The following COL4A3 variants were observed in gnomAD, a reference collection of about 807,000 sequenced individuals.
COL4A3 encodes collagen alpha-3(IV) chain.
A neutral mutation model predicts 217.4 loss-of-function variants in COL4A3; 135 were observed. That is an observed-to-expected ratio of 0.62 (90% CI 0.54 to 0.72). COL4A3 has a LOEUF of 0.72. COL4A3 is among the 30% of genes least tolerant of loss of function. COL4A3 has a pLI of 0.00. For missense variants in COL4A3, 1,868 were observed against 2,119.9 expected (o/e 0.88, Z 2.33); for synonymous variants, 690 against 736.3 (o/e 0.94, Z 1.02).
At chr2:227,243,439 A>G (rs1331839171) in intron 3 of COL4A3, among the ~76,000 whole-genome samples, 3 of 152,224 alleles carry the variant, frequency 2.0e-5, no homozygotes, top group Non-Finnish European at 4.4e-5. Context: ...AAAACCTGCA[A>G]GTAAAACCTT....
intron 1 of COL4A3, among the ~76,000 whole-genome samples, chr2:227,189,295 T>C (rs2066143536): frequency 6.6e-6 from 1 of 152,054 alleles, no homozygotes; most frequent in South Asian, 2.1e-4. Flanking sequence ...ACCCTGGTTG[T>C]GGTGTGGGAA....
intron 1 of COL4A3, among the ~76,000 whole-genome samples, chr2:227,205,022 A>T (rs2067048384): frequency 1.3e-5 from 2 of 152,220 alleles, no homozygotes; most frequent in Admixed American, 1.3e-4. Context: ...AGTGAAAATT[A>T]TGGCAACATT....
chr2:227,304,717 C>G (rs2073430596), intron 46 of COL4A3, among the ~76,000 whole-genome samples: 1 of 152,176 alleles, frequency 6.6e-6, no homozygotes, highest in Non-Finnish European at 1.5e-5. Flanking sequence ...ATAGTGAATT[C>G]TGGAAGAACA....
intron 37 of COL4A3, among the ~76,000 whole-genome samples, chr2:227,292,081 A>G (rs750157264): frequency 6.6e-6 from 1 of 152,164 alleles, no homozygotes; most frequent in Non-Finnish European, 1.5e-5. Flanking sequence ...GGTAGAGTCT[A>G]TTTTTCAGAT....
rs762420854 is a variant in COL4A3, at chr2:227,266,467, TATC to T, written c.1367_1369del (p.Tyr456del). ...ACCTGGAGATCACGGACTGCCAGGC[TATC>T]TAGGGTCTCCAGGAATCCCAGGAGT... On this transcript the variant is annotated inframe_deletion, in exon 22 of 52. Coordinates refer to ENST00000396578, the MANE Select transcript of COL4A3 (RefSeq NM_000091.5). 15 of 1,613,988 alleles carry T rather than the reference TATC, an allele frequency of 9.3e-6. No homozygotes were observed. In the East Asian group the frequency reaches 3.3e-4, roughly 36 times the overall value.
intron 1 of COL4A3, among the ~76,000 whole-genome samples, chr2:227,175,289 T>C (rs1212512636): frequency 6.6e-6 from 1 of 152,088 alleles, no homozygotes; most frequent in Admixed American, 6.5e-5. Context: ...CTGGCCAAAA[T>C]GGTGACACCC....
chr2:227,229,541 TA>T (rs2068276227), intron 1 of COL4A3, among the ~76,000 whole-genome samples: 1 of 152,182 alleles, frequency 6.6e-6, no homozygotes, highest in Admixed American at 6.5e-5. Context: ...GGAAGGTGGC[TA>T]GTGCAGACTG....
At chr2:227,207,056 A>G (rs2067128295) in intron 1 of COL4A3, among the ~76,000 whole-genome samples, 1 of 152,178 alleles carries the variant, frequency 6.6e-6, no homozygotes, top group African/African-American at 2.4e-5. Flanking sequence ...TATGTACTCC[A>G]GAGGAAATCC....
intron 1 of COL4A3, among the ~76,000 whole-genome samples, chr2:227,227,116 A>G (rs2068138101): frequency 6.6e-6 from 1 of 152,256 alleles, no homozygotes; most frequent in Admixed American, 6.5e-5. Flanking sequence ...AAACAGGCAG[A>G]GGGCTGGATT....
At chr2:227,274,238 A>AAATAAATAAAT (rs2071415569) in intron 26 of COL4A3, among the ~76,000 whole-genome samples, 1 of 143,754 alleles carries the variant, frequency 7.0e-6, no homozygotes, top group African/African-American at 2.5e-5. Context: ...TACTGTCTCA[A>AAATAAATAAAT]AAATAAATAA....
At chr2:227,244,835 C>A in intron 4 of COL4A3, 116 bp from the exon 5 acceptor site, 2 of 1,073,408 alleles carry the variant, frequency 1.9e-6, no homozygotes, top group South Asian at 1.3e-5. Flanking sequence ...TCGAGCTATT[C>A]CCAGTTATAG....
intron 29 of COL4A3, 40 bp downstream of exon 29, chr2:227,279,930 T>G: frequency 1.4e-6 from 2 of 1,468,962 alleles, no homozygotes; most frequent in Non-Finnish European, 1.9e-6. Context: ...AGAGGGTGGG[T>G]GACCATTAAC....
intron 1 of COL4A3, among the ~76,000 whole-genome samples, chr2:227,190,054 G>A (rs1348163882): frequency 1.3e-5 from 2 of 152,016 alleles, no homozygotes; most frequent in African/African-American, 2.4e-5. Flanking sequence ...CCAAGAGAAA[G>A]GAAGAATGTC....
rs779948497 is a variant in COL4A3, at chr2:227,256,389, G to C, written c.980G>C (p.Gly327Ala). The change falls in exon 17 of 52, where the codon GGC (glycine) becomes GCC (alanine). Residue 327 changes from glycine to alanine, a missense_variant. Transcript: ENST00000396578. The part of the protein sequence containing the change: ...RGFPGLMGED[G>A]IKGQKGDIGP... ...TTCCCTGGGTTAATGGGTGAAGATG[G>C]CATTAAGGTAATCCTCTCCCTAATA... 3 of 1,612,742 alleles carry C rather than the reference G, an allele frequency of 1.9e-6. No homozygotes were observed. The highest frequency in any genetic ancestry group is 2.7e-5 in the African/African-American group (2 of 74,884).
At chr2:227,232,974 A>C (rs576226947) in intron 1 of COL4A3, among the ~76,000 whole-genome samples, 43 of 152,296 alleles carry the variant, frequency 2.8e-4, no homozygotes, top group Non-Finnish European at 5.1e-4. Flanking sequence ...CTATAGTCAG[A>C]TTGTTCCACA....
At chr2:227,167,372 G>A (rs943345116) in intron 1 of COL4A3, among the ~76,000 whole-genome samples, 3 of 152,184 alleles carry the variant, frequency 2.0e-5, no homozygotes, top group Admixed American at 1.3e-4. Context: ...CTTTGCACAG[G>A]CATCCAGTTC....
rs1027193239 is a variant in COL4A3 at position 227,304,010 on chromosome 2, T to C, written c.4028-9T>C. 3.7e-6 allele frequency: 6 copies of C among 1,614,106 alleles called. No individual in the cohort carries two copies. Among genetic ancestry groups the C allele is most frequent in the Non-Finnish European group, 5.1e-6 (6 of 1,180,050 alleles). On this transcript the variant is annotated splice_polypyrimidine_tract_variant and intron_variant, in intron 45 of 51. Transcript: ENST00000396578. ...GGCCATCATCTTCTTCTTATGTTTA[T>C]GTCAACAGGTGTACGTGGAGACCCT... is the stretch of plus-strand genomic sequence containing the variant.
At chr2:227,267,142 T>TG in intron 23 of COL4A3, 54 bp downstream of exon 23, 2 of 1,271,666 alleles carry the variant, frequency 1.6e-6, no homozygotes, top group Non-Finnish European at 2.3e-6. Flanking sequence ...GTCAATACAC[T>TG]GGAAGAAAAT....
At chr2:227,290,912 A>T in intron 37 of COL4A3, 26 bp downstream of exon 37, 1 of 1,601,318 alleles carries the variant, frequency 6.2e-7, no homozygotes, top group South Asian at 1.1e-5. Flanking sequence ...AAATATTTAC[A>T]TTTTAGTGGT....
Sources: allele counts gnomAD v4.1 joint callset (sites outside exome capture counted in the v4.1 genomes callset), GRCh38; gene constraint gnomAD v4.1.1; transcripts MANE v1.5; gene names NCBI Gene and HGNC (gene_info 2026-07-23, HGNC 2026-07-21).